The following SEC24D variants were observed in gnomAD, a reference collection of about 807,000 sequenced individuals.
The protein encoded by SEC24D is protein transport protein Sec24D.
Under a neutral mutation model 116.9 loss-of-function variants are expected in SEC24D, and 69 were observed. That is an observed-to-expected ratio of 0.59 (90% CI 0.49 to 0.72). The LOEUF (loss-of-function observed/expected upper bound fraction) is 0.72, where lower values mean the gene tolerates loss of function less well. SEC24D is among the 30% of genes least tolerant of loss of function. The pLI, the probability that SEC24D is intolerant of heterozygous loss-of-function variation, is 0.00. For missense variants in SEC24D, 1,131 were observed against 1,264.1 expected, an observed-to-expected ratio of 0.89 and a Z score of 1.60; for synonymous variants, 405 against 442.8, an observed-to-expected ratio of 0.91 and a Z score of 1.07.
chr4:118,746,787 T>C (rs1277623179), intron 13 of SEC24D, among the ~76,000 whole-genome samples: 2 of 151,954 alleles, frequency 1.3e-5, no homozygotes, highest in Non-Finnish European at 2.9e-5. Context: ...ATAAGGTACT[T>C]AGGTTTGTGA....
At position 118,734,620 on chromosome 4, in the gene SEC24D, T is replaced by A. The variant is rs867916890; in HGVS notation, c.2497-1708A>T. 4.6e-5 allele frequency among the ~76,000 whole-genome samples: 7 copies of A among 152,086 alleles called. 1 individual carries two copies. The highest frequency in any genetic ancestry group is 6.8e-3 in the Middle Eastern group (2 of 294). ...GAATTTATTCTGCATCTTAAATTCA[T>A]ATCGTAAGTCTCTTCTCATGATGTA... On this transcript the variant is annotated intron_variant, in intron 19 of 22. Coordinates refer to ENST00000280551, the MANE Select transcript of SEC24D (RefSeq NM_014822.4).
At chr4:118,824,583 G>T in intron 3 of SEC24D, 37 bp downstream of exon 3, 1 of 1,581,992 alleles carries the variant, frequency 6.3e-7, no homozygotes, top group South Asian at 1.2e-5. Flanking sequence ...AATTTTAGGA[G>T]AATATACAAA....
chr4:118,827,679 C>A (rs1730643146), intron 2 of SEC24D, among the ~76,000 whole-genome samples: 1 of 152,208 alleles, frequency 6.6e-6, no homozygotes, highest in African/African-American at 2.4e-5. Context: ...AGAGATGATT[C>A]TCCTGGGAGA....
At chr4:118,771,225 C>G (rs188789804) in intron 8 of SEC24D, among the ~76,000 whole-genome samples, 18 of 152,104 alleles carry the variant, frequency 1.2e-4, no homozygotes, top group African/African-American at 4.3e-4. Flanking sequence ...ATCTTTTTTC[C>G]TTACCAAGGG....
chr4:118,802,637 C>G (rs373820361), intron 7 of SEC24D, among the ~76,000 whole-genome samples: 1 of 152,194 alleles, frequency 6.6e-6, no homozygotes, highest in Non-Finnish European at 1.5e-5. Flanking sequence ...GGAGAGAGAA[C>G]GATGACTGAG....
chr4:118,726,150 T>C (rs1466664018), intron 22 of SEC24D, among the ~76,000 whole-genome samples: 3 of 152,192 alleles, frequency 2.0e-5, no homozygotes, highest in Non-Finnish European at 4.4e-5. Context: ...ATCTCATCTT[T>C]CATTGGCTGA....
chr4:118,744,844 G>A (rs1458041789), intron 14 of SEC24D, 100 bp downstream of exon 14: 20 of 678,002 alleles, frequency 2.9e-5, no homozygotes, highest in African/African-American at 5.4e-5. Context: ...CTTAATTTAT[G>A]AGATTTAGTT....
chr4:118,805,743 T>C, intron 7 of SEC24D, 100 bp downstream of exon 7: 1 of 635,424 alleles, frequency 1.6e-6, no homozygotes, highest in Non-Finnish European at 2.6e-6. Flanking sequence ...AATGGGGTTT[T>C]CCATTATTAA....
intron 8 of SEC24D, among the ~76,000 whole-genome samples, chr4:118,795,800 A>G (rs1729155037): frequency 6.6e-6 from 1 of 152,148 alleles, no homozygotes; most frequent in Non-Finnish European, 1.5e-5. Flanking sequence ...AGGGCATGAG[A>G]TAACTTTCTG....
intron 22 of SEC24D, among the ~76,000 whole-genome samples, chr4:118,724,324 CTA>C (rs969547439): frequency 3.7e-4 from 56 of 152,096 alleles, no homozygotes; most frequent in African/African-American, 1.3e-3. Context: ...TCATGATTCT[CTA>C]GACCTGTGCT....
chr4:118,823,514 C>T (rs1730483932), intron 3 of SEC24D, among the ~76,000 whole-genome samples: 1 of 152,188 alleles, frequency 6.6e-6, no homozygotes, highest in Admixed American at 6.5e-5. Context: ...ACCTTGCTAC[C>T]TGGGAAGGAA....
At chr4:118,744,787 A>C (rs529045937) in intron 14 of SEC24D, among the ~76,000 whole-genome samples, 157 bp downstream of exon 14, 83 of 152,344 alleles carry the variant, frequency 5.4e-4, no homozygotes, top group African/African-American at 2.0e-3. Context: ...AAAATATTTT[A>C]AGTTGTCTGT....
chr4:118,752,144 T>C, intron 12 of SEC24D, 55 bp from the exon 13 acceptor site: 1 of 1,151,160 alleles, frequency 8.7e-7, no homozygotes, highest in South Asian at 1.3e-5. Context: ...TTTAATAAAC[T>C]TCAAGCAATA....
chr4:118,745,646 A>G (rs1301557118), intron 13 of SEC24D, among the ~76,000 whole-genome samples: 1 of 152,218 alleles, frequency 6.6e-6, no homozygotes, highest in Non-Finnish European at 1.5e-5. Context: ...GGGAAGCAAC[A>G]AAAAGAAGAG....
At chr4:118,800,103 G>A (rs749560512) in intron 7 of SEC24D, among the ~76,000 whole-genome samples, 14 of 152,114 alleles carry the variant, frequency 9.2e-5, no homozygotes, top group Admixed American at 4.6e-4. Flanking sequence ...AATGCAGGTG[G>A]GCACAGTGGG....
intron 8 of SEC24D, among the ~76,000 whole-genome samples, chr4:118,784,262 AT>A: frequency 6.6e-6 from 1 of 152,354 alleles, no homozygotes; most frequent in South Asian, 2.1e-4. Flanking sequence ...AAATAAATAC[AT>A]TTATATATTT....
chr4:118,805,866 G>T lies in SEC24D; in HGVS notation c.890C>A (p.Thr297Lys), dbSNP rs767690730. ...ACCTTGGTCTTGTATCATGCAATCT[G>T]TAGTGACCAGGGGAGGGATCTGGCC... Reference protein sequence around the residue: ...TRGQIPPLVTTDCMIQDQGNA... With the variant: ...TRGQIPPLVTKDCMIQDQGNA... The change falls in exon 7 of 23, where the codon ACA becomes AAA. Residue 297 changes from threonine (T) to lysine (K), a missense_variant. Coordinates refer to ENST00000280551, the MANE Select transcript of SEC24D (RefSeq NM_014822.4). 1 of 1,578,542 alleles carries T rather than the reference G, an allele frequency of 6.3e-7. No individual in the cohort carries two copies.
intron 12 of SEC24D, 144 bp downstream of exon 12, chr4:118,752,553 T>G: frequency 1.7e-6 from 1 of 601,290 alleles, no homozygotes; most frequent in South Asian, 2.4e-5. Context: ...AAAGACTGAC[T>G]TAACATAAAT....
chr4:118,807,965 G>GT lies in SEC24D; in HGVS notation c.802-2012dup, dbSNP rs549369292. On this transcript the variant is annotated intron_variant, in intron 6 of 22. Transcript: ENST00000280551. ...AATCGGATTCATTAAAAATAGAGTT[G>GT]TTTTTTATCTCTTTGAGACAGGGTC... 2.7e-3 allele frequency among the ~76,000 whole-genome samples: 405 copies of GT among 152,224 alleles called. 3 individuals carry two copies. The highest frequency in any genetic ancestry group is 0.01 in the Middle Eastern group (3 of 294).
Sources: allele counts gnomAD v4.1 joint callset (sites outside exome capture counted in the v4.1 genomes callset), GRCh38; gene constraint gnomAD v4.1.1; transcripts MANE v1.5; gene names NCBI Gene and HGNC (gene_info 2026-07-23, HGNC 2026-07-21).